Variants in SLC14A2 observed in about 807,000 individuals in gnomAD.
SLC14A2 encodes the protein solute carrier family 14 member 2.
SLC14A2 carries 91 observed loss-of-function variants against 104.6 expected under a neutral mutation model. That is an observed-to-expected ratio of 0.87 (90% confidence interval 0.73 to 1.04). The LOEUF is 1.04. Among genes scored for constraint, SLC14A2 ranks in the 50% least tolerant of loss-of-function variants. SLC14A2 has a pLI of 0.00. For missense variants in SLC14A2, 1,189 were observed against 1,156.0 expected (o/e 1.03, Z -0.41); for synonymous variants, 476 against 466.4 (o/e 1.02, Z -0.27).
At chr18:45,309,386 G>A (rs530990460) in intron 1 of SLC14A2, among the ~76,000 whole-genome samples, 4 of 150,768 alleles carry the variant, frequency 2.7e-5, no homozygotes, top group Admixed American at 6.6e-5. Flanking sequence ...CTGGAGTGGT[G>A]CAATCATAGC....
At chr18:45,469,871 A>G (rs2087214382) in intron 1 of SLC14A2, among the ~76,000 whole-genome samples, 1 of 152,206 alleles carries the variant, frequency 6.6e-6, no homozygotes, top group Admixed American at 6.5e-5. Flanking sequence ...CACATTATAA[A>G]GGAACTTGGA....
intron 1 of SLC14A2, among the ~76,000 whole-genome samples, chr18:45,430,734 C>A (rs2086501599): frequency 6.6e-6 from 1 of 152,058 alleles, no homozygotes; most frequent in Admixed American, 6.6e-5. Flanking sequence ...CACCACCATG[C>A]CTGGCTAATT....
At chr18:45,495,846 A>C (rs952393650) in intron 2 of SLC14A2, among the ~76,000 whole-genome samples, 4 of 152,206 alleles carry the variant, frequency 2.6e-5, no homozygotes, top group African/African-American at 9.7e-5. Flanking sequence ...AGTGGAAAGA[A>C]CACGGAACGC....
intron 2 of SLC14A2, among the ~76,000 whole-genome samples, chr18:45,541,290 G>T (rs1253263853): frequency 6.6e-6 from 1 of 152,202 alleles, no homozygotes; most frequent in Non-Finnish European, 1.5e-5. Flanking sequence ...CCCTTATCAA[G>T]ATTCGACTGG....
chr18:45,424,489 G>A (rs372066249), intron 1 of SLC14A2, among the ~76,000 whole-genome samples: 9 of 152,342 alleles, frequency 5.9e-5, no homozygotes, highest in East Asian at 3.9e-4. Context: ...AGGGGGTAGG[G>A]TCAGCAGGCC....
chr18:45,587,136 G>T (rs780073798), intron 2 of SLC14A2, among the ~76,000 whole-genome samples: 1 of 151,948 alleles, frequency 6.6e-6, no homozygotes, highest in Non-Finnish European at 1.5e-5. Context: ...CACCACACCC[G>T]GCTAATTTTT....
chr18:45,498,120 A>C (rs1457640013), intron 2 of SLC14A2, among the ~76,000 whole-genome samples: 1 of 152,216 alleles, frequency 6.6e-6, no homozygotes, highest in Non-Finnish European at 1.5e-5. Flanking sequence ...AGAAAAAAAA[A>C]CTTTAAAAAT....
intron 1 of SLC14A2, among the ~76,000 whole-genome samples, chr18:45,403,262 C>T (rs1232718453): frequency 6.6e-6 from 1 of 152,154 alleles, no homozygotes; most frequent in African/African-American, 2.4e-5. Context: ...TAGGGGTCCA[C>T]CCTTATGACC....
At chr18:45,348,301 C>T (rs951743401) in intron 1 of SLC14A2, among the ~76,000 whole-genome samples, 1 of 152,196 alleles carries the variant, frequency 6.6e-6, no homozygotes, top group African/African-American at 2.4e-5. Flanking sequence ...TTATCATTTA[C>T]GCATGTGTTA....
chr18:45,632,298 G>A, intron 4 of SLC14A2, 52 bp from the exon 5 acceptor site: 3 of 1,589,342 alleles, frequency 1.9e-6, no homozygotes, highest in South Asian at 1.2e-5. Flanking sequence ...GGAGGGAGGG[G>A]CCCAGTAACA....
At position 45,629,575 on chromosome 18, in the gene SLC14A2, C is replaced by T. The variant is rs570973027; in HGVS notation, c.521+2428C>T. Among the ~76,000 whole-genome samples, 24 of 152,242 alleles carry T rather than the reference C, an allele frequency of 1.6e-4. 1 individual carries two copies. Among genetic ancestry groups the T allele is most frequent in the Admixed American group, 1.3e-3 (20 of 15,308 alleles). The stretch of plus-strand genomic sequence containing the variant: ...CTGTGTGACTCAGGCAAGTACTTCC[C>T]CCTCCAGCCCCATTATCCTCATCTG... On this transcript the variant is annotated intron_variant, in intron 4 of 19. Transcript: ENST00000255226.
chr18:45,614,379 C>G (rs1321332045), upstream of SLC14A2, among the ~76,000 whole-genome samples: 2 of 152,222 alleles, frequency 1.3e-5, no homozygotes, highest in African/African-American at 4.8e-5. Flanking sequence ...TTGGAGCCCC[C>G]ACACAGAGTC....
upstream of SLC14A2, among the ~76,000 whole-genome samples, chr18:45,612,694 G>A (rs1489388871): frequency 6.6e-6 from 1 of 152,154 alleles, no homozygotes; most frequent in Non-Finnish European, 1.5e-5. Context: ...TGGGTGGTAG[G>A]GTTTGGCTCT....
intron 2 of SLC14A2, among the ~76,000 whole-genome samples, chr18:45,488,550 A>G (rs2087657934): frequency 6.6e-6 from 1 of 152,202 alleles, no homozygotes; most frequent in Non-Finnish European, 1.5e-5. Flanking sequence ...CTTAGTGGGG[A>G]AAAGGGCATT....
At chr18:45,219,066 T>A (rs2084037677) in intron 1 of SLC14A2, among the ~76,000 whole-genome samples, 1 of 152,148 alleles carries the variant, frequency 6.6e-6, no homozygotes, top group Non-Finnish European at 1.5e-5. Flanking sequence ...ACAAAAAATG[T>A]ATAAGTGAGT....
At chr18:45,190,183 A>T in the SLC14A2 span, among the ~76,000 whole-genome samples, 2 of 152,188 alleles carry the variant, frequency 1.3e-5, no homozygotes, top group Non-Finnish European at 2.9e-5. Context: ...CCGTTTGTTG[A>T]CCTTTCTTCT....
At chr18:45,258,187 T>C (rs572438529) in intron 1 of SLC14A2, among the ~76,000 whole-genome samples, 2 of 102,946 alleles carry the variant, frequency 1.9e-5, no homozygotes, top group South Asian at 6.3e-4. Flanking sequence ...AGATGTGATT[T>C]GAACGAGGCT....
intron 1 of SLC14A2, among the ~76,000 whole-genome samples, chr18:45,426,033 G>A (rs2086420913): frequency 6.6e-6 from 1 of 152,078 alleles, no homozygotes; most frequent in Non-Finnish European, 1.5e-5. Context: ...TTAAAAGAGA[G>A]CAAGTCCCTG....
chr18:45,362,489 C>A (rs185118513), intron 1 of SLC14A2, among the ~76,000 whole-genome samples: 266 of 152,330 alleles, frequency 1.7e-3, no homozygotes, highest in Admixed American at 2.9e-3. Flanking sequence ...TCCAGCCCAA[C>A]TCCCCTGGTC....
Sources: gnomAD v4.1 joint callset for allele counts (sites outside exome capture counted in the v4.1 genomes callset) on GRCh38, gnomAD v4.1.1 for gene constraint, MANE v1.5 for transcripts, NCBI Gene and HGNC (gene_info 2026-07-23, HGNC 2026-07-21) for gene names.